TLN2: variants seen among roughly 807,000 people sequenced by gnomAD.
TLN2 encodes talin-2.
TLN2 carries 118 observed loss-of-function variants against 294.7 expected under a neutral mutation model. The ratio of observed to expected loss-of-function variants is 0.40; its 90% CI spans 0.34 to 0.47. The LOEUF (loss-of-function observed/expected upper bound fraction) is 0.47, where lower values mean the gene tolerates loss of function less well. Ranked by LOEUF, TLN2 falls within the 20% of genes least tolerant of loss-of-function variation. TLN2 has a pLI of 0.84. For missense variants in TLN2, 3,083 were observed against 3,282.2 expected, an observed-to-expected ratio of 0.94 and a Z score of 1.48; for synonymous variants, 1,431 against 1,304.5, an observed-to-expected ratio of 1.10 and a Z score of -2.09.
chr15:62,665,441 G>C (rs2054499760), intron 9 of TLN2, among the ~76,000 whole-genome samples: 1 of 152,184 alleles, frequency 6.6e-6, no homozygotes. Context: ...TTTAACACAT[G>C]GCAAAGGCAA....
chr15:62,465,394 G>A (rs999162656), intron 1 of TLN2, among the ~76,000 whole-genome samples: 1 of 152,158 alleles, frequency 6.6e-6, no homozygotes, highest in Non-Finnish European at 1.5e-5. Context: ...GAGAACGAGT[G>A]TGATGATAAT....
intron 1 of TLN2, among the ~76,000 whole-genome samples, chr15:62,452,873 C>T (rs1318352953): frequency 6.6e-6 from 1 of 151,932 alleles, no homozygotes; most frequent in African/African-American, 2.4e-5. Flanking sequence ...GTAGAATGGA[C>T]TGGCAGCTGG....
intron 1 of TLN2, among the ~76,000 whole-genome samples, chr15:62,442,683 T>C (rs1211497974): frequency 1.3e-5 from 2 of 152,024 alleles, no homozygotes; most frequent in African/African-American, 4.8e-5. Context: ...GTTTTTTCTT[T>C]CTCTATATTT....
chr15:62,788,195 C>T (rs2064833485), intron 45 of TLN2, among the ~76,000 whole-genome samples: 2 of 151,630 alleles, frequency 1.3e-5, no homozygotes, highest in East Asian at 2.0e-4. Flanking sequence ...CCTGTAATCT[C>T]AGCTATTCAG....
chr15:62,762,317 C>T lies in TLN2; in HGVS notation c.4825C>T (p.Leu1609=). The change falls in exon 39 of 59, where the codon CTG becomes TTG. Residue 1609 remains leucine (L), a synonymous_variant. Coordinates refer to ENST00000636159, the MANE Select transcript of TLN2 (RefSeq NM_015059.3). ...EPILVSAKTM[L]ESSSYLIRTA... is the part of the protein sequence containing the mutation. ...AATCCTGGTCTCAGCCAAGACCATGCTGGAGAGTTCATCGTACCTCATTCG... is the reference window on the plus strand; with the variant it reads ...AATCCTGGTCTCAGCCAAGACCATGTTGGAGAGTTCATCGTACCTCATTCG... 6.2e-7 allele frequency: 1 copy of T among 1,614,200 alleles called. No homozygotes were observed. The highest frequency in any genetic ancestry group is 8.5e-7 in the Non-Finnish European group (1 of 1,180,030).
intron 1 of TLN2, among the ~76,000 whole-genome samples, chr15:62,554,847 A>G (rs2042520530): frequency 6.6e-6 from 1 of 152,108 alleles, no homozygotes; most frequent in Non-Finnish European, 1.5e-5. Context: ...CAAATTCAGC[A>G]CTCTAGCAAG....
chr15:62,525,649 T>C (rs1242218357), intron 1 of TLN2, among the ~76,000 whole-genome samples: 2 of 152,268 alleles, frequency 1.3e-5, no homozygotes, highest in Non-Finnish European at 2.9e-5. Context: ...TCCTCCACTT[T>C]GTTCCCTTTT....
chr15:62,704,583 C>T (rs962561079), intron 19 of TLN2, among the ~76,000 whole-genome samples: 4 of 152,200 alleles, frequency 2.6e-5, no homozygotes, highest in African/African-American at 9.7e-5. Flanking sequence ...CTATGGGACT[C>T]ATTCATATCC....
intron 23 of TLN2, among the ~76,000 whole-genome samples, chr15:62,716,962 T>C (rs1161647076): frequency 6.6e-6 from 1 of 151,960 alleles, no homozygotes; most frequent in Non-Finnish European, 1.5e-5. Flanking sequence ...TTAAAAAGTT[T>C]GTCTGACAAA....
chr15:62,615,452 C>G (rs952255904), intron 2 of TLN2, among the ~76,000 whole-genome samples: 1 of 152,202 alleles, frequency 6.6e-6, no homozygotes, highest in Non-Finnish European at 1.5e-5. Context: ...TCAGGAGTGA[C>G]TTTTAATTTG....
intron 37 of TLN2, 21 bp from the exon 38 acceptor site, chr15:62,761,660 C>G (rs747971629): frequency 6.2e-7 from 1 of 1,614,036 alleles, no homozygotes; most frequent in South Asian, 1.1e-5. Context: ...TGGGCAGAAT[C>G]TCCCTGTTTT....
intron 30 of TLN2, among the ~76,000 whole-genome samples, chr15:62,739,107 A>G (rs545566067): frequency 6.6e-6 from 1 of 152,312 alleles, no homozygotes; most frequent in East Asian, 1.9e-4. Flanking sequence ...TAGATAGCTT[A>G]CATTTTTAGA....
intron 9 of TLN2, among the ~76,000 whole-genome samples, chr15:62,667,218 G>A (rs1006895590): frequency 2.0e-5 from 3 of 152,124 alleles, no homozygotes; most frequent in African/African-American, 4.8e-5. Flanking sequence ...CGCCCGCCTT[G>A]GCCTCCCAAA....
At chr15:62,557,991 C>G (rs1596120075) in intron 1 of TLN2, among the ~76,000 whole-genome samples, 1 of 152,192 alleles carries the variant, frequency 6.6e-6, no homozygotes, top group Admixed American at 6.5e-5. Context: ...TTGTACAGCT[C>G]CTGATCTCAT....
At chr15:62,618,160 G>A (rs2048466462) in intron 2 of TLN2, among the ~76,000 whole-genome samples, 191 bp from the exon 3 acceptor site, 1 of 146,332 alleles carries the variant, frequency 6.8e-6, no homozygotes, top group Admixed American at 6.9e-5. Flanking sequence ...GGATCATAGT[G>A]GCCCAAGACC....
chr15:62,533,031 A>G (rs1567065765), intron 1 of TLN2, among the ~76,000 whole-genome samples: 2 of 152,084 alleles, frequency 1.3e-5, no homozygotes, highest in Admixed American at 1.3e-4. Flanking sequence ...AGGCAGGCGC[A>G]TCGCTTGAGG....
chr15:62,544,853 T>TC (rs1374480486), intron 1 of TLN2, among the ~76,000 whole-genome samples: 6 of 152,176 alleles, frequency 3.9e-5, no homozygotes, highest in Non-Finnish European at 7.3e-5. Context: ...AGTTTTTTTT[T>TC]CCTTATCAAT....
At chr15:62,647,241 T>C (rs938979) in intron 3 of TLN2, 34 bp from the exon 4 acceptor site, 1,057,686 of 1,518,684 alleles carry the variant, frequency 0.7, 372,069 homozygotes, top group Middle Eastern at 0.82. Context: ...ATTATTATCG[T>C]GAACATCAGG....
chr15:62,441,535 T>TTG (rs1373538525), intron 1 of TLN2, among the ~76,000 whole-genome samples: 1 of 152,226 alleles, frequency 6.6e-6, no homozygotes, highest in Non-Finnish European at 1.5e-5. Context: ...CTGACTCCAT[T>TTG]GTCTGTTGGG....
Sources: gnomAD v4.1 joint callset for allele counts (sites outside exome capture counted in the v4.1 genomes callset) on GRCh38, gnomAD v4.1.1 for gene constraint, MANE v1.5 for transcripts, NCBI Gene and HGNC (gene_info 2026-07-23, HGNC 2026-07-21) for gene names.